Variants in GPC5 observed in about 807,000 individuals in gnomAD.
GPC5 encodes the protein glypican-5.
GPC5 carries 47 observed loss-of-function variants against 53.9 expected under a neutral mutation model. The observed-to-expected ratio is 0.87, with a 90% CI of 0.69 to 1.11. The LOEUF (loss-of-function observed/expected upper bound fraction) is 1.11, where lower values mean the gene tolerates loss of function less well. Ranked by LOEUF, GPC5 falls within the 50% of genes most tolerant of loss-of-function variation. The pLI is 0.00. For synonymous variants in GPC5, 286 were observed against 263.3 expected (o/e 1.09, Z -0.84); for missense variants, 748 against 713.1 (o/e 1.05, Z -0.56).
intron 7 of GPC5, among the ~76,000 whole-genome samples, chr13:92,743,917 G>T (rs988017534): frequency 1.3e-5 from 2 of 152,098 alleles, no homozygotes; most frequent in Non-Finnish European, 2.9e-5. Context: ...AACCAGCCTT[G>T]CACTGTCCTT....
At chr13:92,554,745 A>T (rs1310152518) in intron 7 of GPC5, among the ~76,000 whole-genome samples, 1 of 151,184 alleles carries the variant, frequency 6.6e-6, no homozygotes, top group Admixed American at 6.6e-5. Flanking sequence ...AATTTTATTA[A>T]TATGTATTTG....
chr13:92,721,501 C>T (rs926806013), intron 7 of GPC5: 16 of 152,142 alleles, frequency 1.1e-4, no homozygotes, highest in Admixed American at 7.9e-4. Context: ...CTGCCAGTTT[C>T]AAAACACCAA....
At chr13:91,829,071 A>T (rs2038617437) in intron 5 of GPC5, among the ~76,000 whole-genome samples, 1 of 152,056 alleles carries the variant, frequency 6.6e-6, no homozygotes, top group Non-Finnish European at 1.5e-5. Context: ...TCAGCACTTT[A>T]ATCAAATTAT....
At chr13:92,347,978 A>G (rs1277622623) in intron 7 of GPC5, among the ~76,000 whole-genome samples, 1 of 88,660 alleles carries the variant, frequency 1.1e-5, no homozygotes, top group Non-Finnish European at 2.2e-5. Context: ...AAAAATTATT[A>G]GGACAAAAAA....
intron 6 of GPC5, among the ~76,000 whole-genome samples, chr13:91,985,348 TTGTC>T (rs199895891): frequency 0.011 from 1,645 of 149,500 alleles, 16 homozygotes; most frequent in Non-Finnish European, 0.019. Flanking sequence ...TATCTGATGT[TTGTC>T]TGTGTAATAA....
intron 7 of GPC5, among the ~76,000 whole-genome samples, chr13:92,555,085 T>C (rs1248037302): frequency 6.6e-6 from 1 of 151,458 alleles, no homozygotes; most frequent in Non-Finnish European, 1.5e-5. Flanking sequence ...TTTGCACAAC[T>C]GTATTAATAT....
intron 7 of GPC5, among the ~76,000 whole-genome samples, chr13:92,376,698 A>G: frequency 6.6e-6 from 1 of 152,184 alleles, no homozygotes; most frequent in East Asian, 1.9e-4. Context: ...AGGATTTCTG[A>G]TAAACCTAGG....
intron 2 of GPC5, among the ~76,000 whole-genome samples, chr13:91,661,477 T>G (rs1489187294): frequency 1.3e-5 from 2 of 152,196 alleles, no homozygotes; most frequent in Non-Finnish European, 2.9e-5. Context: ...CATCAAGAAC[T>G]CTTAGGTTTA....
At chr13:92,101,651 T>C (rs1403356302) in intron 6 of GPC5, among the ~76,000 whole-genome samples, 4 of 152,212 alleles carry the variant, frequency 2.6e-5, no homozygotes, top group Non-Finnish European at 5.9e-5. Flanking sequence ...TTATGCACAC[T>C]ACCTCAAGTC....
At chr13:92,715,279 T>A (rs1888291095) in intron 7 of GPC5, among the ~76,000 whole-genome samples, 1 of 152,174 alleles carries the variant, frequency 6.6e-6, no homozygotes, top group Admixed American at 6.5e-5. Flanking sequence ...GATGAGACCC[T>A]AGAAGTACTA....
At chr13:92,628,960 T>C (rs1366595859) in intron 7 of GPC5, among the ~76,000 whole-genome samples, 1 of 152,202 alleles carries the variant, frequency 6.6e-6, no homozygotes, top group African/African-American at 2.4e-5. Flanking sequence ...TCTCTTGTTG[T>C]GCACTGTTCT....
chr13:92,011,441 T>C (rs1199931748), intron 6 of GPC5, among the ~76,000 whole-genome samples: 1 of 152,202 alleles, frequency 6.6e-6, no homozygotes, highest in Non-Finnish European at 1.5e-5. Context: ...GGAACATAAA[T>C]ACTCTGTCAT....
intron 2 of GPC5, among the ~76,000 whole-genome samples, chr13:91,502,524 C>T (rs570225209): frequency 1.1e-4 from 17 of 152,234 alleles, no homozygotes; most frequent in Admixed American, 3.9e-4. Flanking sequence ...TTTAGCTTGG[C>T]TTATGACAGT....
intron 2 of GPC5, among the ~76,000 whole-genome samples, chr13:91,457,857 C>T (rs908218311): frequency 2.6e-5 from 4 of 152,168 alleles, no homozygotes; most frequent in Middle Eastern, 3.4e-3. Flanking sequence ...ATCCATCCAA[C>T]AATCATGGGG....
At position 92,241,925 on chromosome 13, in the gene GPC5, G is replaced by T. The variant is rs571448312; in HGVS notation, c.1561+96936G>T. ...AAGCTATTGTAGCCAAAGAAAAGAA[G>T]TAGAAGAATTAGAAATTAATTAAGG... On this transcript the variant is annotated intron_variant, in intron 7 of 7. Transcript: ENST00000377067. 3 of 152,142 alleles carry T rather than the reference G, an allele frequency of 2.0e-5. No individual in the cohort carries two copies. In the East Asian group the frequency reaches 5.8e-4, roughly 29 times the overall value. The allele number at this position is 152,142 out of a possible 1,614,324, so 9.4% of individuals were successfully genotyped here. A position where few individuals can be genotyped will look rare whatever the true frequency, so the allele number is the denominator to read the frequency against.
In GPC5 at chr13:92,481,303, T is replaced by A. The variant is rs188264041; in HGVS notation, c.1561+336314T>A. 7.7e-3 allele frequency among the ~76,000 whole-genome samples: 1,176 copies of A among 152,146 alleles called. 10 individuals carry two copies. Among genetic ancestry groups the A allele is most frequent in the Non-Finnish European group, 0.012 (837 of 68,010 alleles). On this transcript the variant is annotated intron_variant, in intron 7 of 7. Transcript: ENST00000377067. Reference sequence around the variant, plus strand: ...TTTTAGTAGGAACAGGGGTTTCACCTTGTTAGCCAAGATGGTCTCGATCTC... The same window carrying A: ...TTTTAGTAGGAACAGGGGTTTCACCATGTTAGCCAAGATGGTCTCGATCTC...
chr13:91,955,222 T>G (rs1383320199), intron 6 of GPC5, among the ~76,000 whole-genome samples: 1 of 152,200 alleles, frequency 6.6e-6, no homozygotes, highest in African/African-American at 2.4e-5. Context: ...GTATTTAAAT[T>G]GGCAAGCAGA....
intron 7 of GPC5, among the ~76,000 whole-genome samples, chr13:92,358,997 G>T (rs932384128): frequency 6.6e-6 from 1 of 151,720 alleles, no homozygotes; most frequent in African/African-American, 2.4e-5. Context: ...CTGAATGTGG[G>T]TTTTTCTTTT....
chr13:91,960,177 A>T (rs1310680454), intron 6 of GPC5, among the ~76,000 whole-genome samples: 2 of 151,874 alleles, frequency 1.3e-5, no homozygotes, highest in South Asian at 2.1e-4. Context: ...AAAAAAAAAA[A>T]ACTAAAAACT....
Sources: allele counts gnomAD v4.1 joint callset (sites outside exome capture counted in the v4.1 genomes callset), GRCh38; gene constraint gnomAD v4.1.1; transcripts MANE v1.5; gene names NCBI Gene and HGNC (gene_info 2026-07-23, HGNC 2026-07-21).